The following KSR2 variants were observed in gnomAD, a reference collection of about 807,000 sequenced individuals.
KSR2 encodes the protein kinase suppressor of ras 2.
KSR2 carries 25 observed loss-of-function variants against 107.8 expected under a neutral mutation model. That is an observed-to-expected ratio of 0.23 (90% CI 0.17 to 0.32). The LOEUF (loss-of-function observed/expected upper bound fraction) is 0.32, where lower values mean the gene tolerates loss of function less well. Among genes scored for constraint, KSR2 ranks in the 10% least tolerant of loss-of-function variants. The probability of loss-of-function intolerance (pLI) is 1.00; values close to 1 mark genes in which losing one functional copy is unlikely to be tolerated. For missense variants in KSR2, 887 were observed against 1,268.9 expected, an observed-to-expected ratio of 0.70 and a Z score of 4.57; for synonymous variants, 480 against 507.0, an observed-to-expected ratio of 0.95 and a Z score of 0.71.
At chr12:117,489,454 G>A (rs1388312920) in intron 14 of KSR2, among the ~76,000 whole-genome samples, 1 of 151,712 alleles carries the variant, frequency 6.6e-6, no homozygotes, top group African/African-American at 2.4e-5. Context: ...GGCTGAGGAG[G>A]GAGGATCTCT....
intron 5 of KSR2, among the ~76,000 whole-genome samples, chr12:117,593,631 T>C (rs1215032307): frequency 6.6e-6 from 1 of 152,242 alleles, no homozygotes; most frequent in Non-Finnish European, 1.5e-5. Context: ...CCTGACTCTT[T>C]CCCTCTGTGC....
At chr12:117,613,417 T>C (rs1881709965) in intron 5 of KSR2, among the ~76,000 whole-genome samples, 1 of 152,174 alleles carries the variant, frequency 6.6e-6, no homozygotes, top group South Asian at 2.1e-4. Flanking sequence ...GTCTAAGTTG[T>C]CACCCTGCAC....
At chr12:117,525,306 G>T in intron 13 of KSR2, 87 bp from the exon 14 acceptor site, 2 of 1,399,712 alleles carry the variant, frequency 1.4e-6, no homozygotes, top group Non-Finnish European at 9.6e-7. Context: ...GTGCACATGC[G>T]TAGGTCTGGG....
intron 5 of KSR2, among the ~76,000 whole-genome samples, chr12:117,610,989 A>T (rs1218301195): frequency 3.3e-5 from 5 of 152,202 alleles, no homozygotes; most frequent in Admixed American, 2.6e-4. Context: ...TAATTTTTAA[A>T]ATATGTCTGG....
At chr12:117,928,182 C>CTTTTTTTTT (rs35971412) in intron 1 of KSR2, among the ~76,000 whole-genome samples, 1 of 140,652 alleles carries the variant, frequency 7.1e-6, no homozygotes, top group Admixed American at 7.2e-5. Flanking sequence ...TCCTTCTTTC[C>CTTTTTTTTT]TTTTTTTTTT....
At chr12:117,802,275 G>A (rs1307115173) in intron 3 of KSR2, among the ~76,000 whole-genome samples, 2 of 151,874 alleles carry the variant, frequency 1.3e-5, no homozygotes, top group Non-Finnish European at 2.9e-5. Context: ...TCTGACCTCT[G>A]ACCCTCCTGC....
In KSR2 at chr12:117,824,753, A is replaced by C. The variant is rs531855791; in HGVS notation, c.472+30675T>G. ...GCGCCTGTAGTCCCAGCTACTCGGG[A>C]GGCTGAGGCAGGAGAATGGCATGAA... On this transcript the variant is annotated intron_variant, in intron 3 of 19. Coordinates refer to ENST00000339824, the MANE Select transcript of KSR2 (RefSeq NM_173598.6). Among the ~76,000 whole-genome samples the C allele has an allele frequency of 6.5e-4, 98 of 149,678 alleles. 1 individual carries two copies. The highest frequency in any genetic ancestry group is 1.2e-3 in the Non-Finnish European group (81 of 67,578).
intron 1 of KSR2, among the ~76,000 whole-genome samples, chr12:117,965,289 C>T (rs1896754183): frequency 6.6e-6 from 1 of 152,186 alleles, no homozygotes; most frequent in Admixed American, 6.5e-5. Context: ...TATTACTAAC[C>T]TACTGAGCCA....
At chr12:117,800,745 C>A (rs1890804261) in intron 3 of KSR2, among the ~76,000 whole-genome samples, 1 of 151,986 alleles carries the variant, frequency 6.6e-6, no homozygotes, top group African/African-American at 2.4e-5. Flanking sequence ...TGCTCTCCCT[C>A]CCCTTTTCCC....
At chr12:117,852,582 C>A (rs1252677910) in intron 3 of KSR2, among the ~76,000 whole-genome samples, 1 of 152,118 alleles carries the variant, frequency 6.6e-6, no homozygotes, top group Non-Finnish European at 1.5e-5. Context: ...ATAAGGCTGA[C>A]ATAAATGCCT....
chr12:117,874,332 A>C (rs1893758338), intron 1 of KSR2, among the ~76,000 whole-genome samples: 1 of 152,070 alleles, frequency 6.6e-6, no homozygotes, highest in South Asian at 2.1e-4. Flanking sequence ...TCCTGAACTC[A>C]AGCAATCCTC....
intron 7 of KSR2, among the ~76,000 whole-genome samples, chr12:117,564,112 G>A (rs958878598): frequency 6.6e-6 from 1 of 152,264 alleles, no homozygotes. Context: ...GGTTCTCCAG[G>A]TGCTCCATTC....
Position 117,570,036 on chromosome 12 carries a change from T to C in KSR2, c.1325+9083A>G, listed in dbSNP as rs188550429. Among the ~76,000 whole-genome samples, 178 of 151,224 alleles carry C rather than the reference T, an allele frequency of 1.2e-3. 2 individuals are homozygous for C. Among genetic ancestry groups the C allele is most frequent in the African/African-American group, 4.0e-3 (166 of 41,114 alleles). ...TTTTTTTTTTGAGACAGGGTCTCGC[T>C]CTGTTGCCCAGGCTGGAGTGCAGTG... On this transcript the variant is annotated intron_variant, in intron 7 of 19. Transcript: ENST00000339824.
intron 10 of KSR2, among the ~76,000 whole-genome samples, chr12:117,537,658 C>T (rs1565889902): frequency 6.6e-6 from 1 of 152,202 alleles, no homozygotes; most frequent in East Asian, 1.9e-4. Flanking sequence ...CTGCAGAACC[C>T]ATACTCTAAC....
intron 14 of KSR2, among the ~76,000 whole-genome samples, chr12:117,501,771 AC>A (rs1395690067): frequency 4.6e-5 from 7 of 152,196 alleles, no homozygotes; most frequent in African/African-American, 1.7e-4. Flanking sequence ...ACCCGCTGCC[AC>A]CCATCAGGGA....
At chr12:117,877,138 A>G (rs1256626534) in intron 1 of KSR2, among the ~76,000 whole-genome samples, 1 of 152,152 alleles carries the variant, frequency 6.6e-6, no homozygotes, top group Non-Finnish European at 1.5e-5. Flanking sequence ...GGAGTTCAAG[A>G]CCAGCCTGGC....
intron 4 of KSR2, among the ~76,000 whole-genome samples, chr12:117,716,169 C>T (rs1280285982): frequency 6.6e-6 from 1 of 152,218 alleles, no homozygotes; most frequent in African/African-American, 2.4e-5. Flanking sequence ...CTTCCATTAG[C>T]ATATGCCTTC....
chr12:117,793,724 C>G (rs567277920), intron 3 of KSR2, among the ~76,000 whole-genome samples: 290 of 144,444 alleles, frequency 2.0e-3, no homozygotes, highest in African/African-American at 7.0e-3. Flanking sequence ...CACACTCACA[C>G]CAGCATGCAC....
At chr12:117,828,004 C>G (rs1197047403) in intron 3 of KSR2, among the ~76,000 whole-genome samples, 1 of 152,182 alleles carries the variant, frequency 6.6e-6, no homozygotes, top group Non-Finnish European at 1.5e-5. Context: ...TCTTCCCTAT[C>G]TCCTGGGGAG....
Sources: gnomAD v4.1 joint callset for allele counts (sites outside exome capture counted in the v4.1 genomes callset) on GRCh38, gnomAD v4.1.1 for gene constraint, MANE v1.5 for transcripts, NCBI Gene and HGNC (gene_info 2026-07-23, HGNC 2026-07-21) for gene names.